Variants in CHRM2 observed in about 807,000 individuals in gnomAD.
CHRM2 encodes the protein cholinergic receptor muscarinic 2.
A neutral mutation model predicts 25.0 loss-of-function variants in CHRM2; 8 were observed. The observed-to-expected ratio is 0.32, with a 90% confidence interval of 0.19 to 0.58. The LOEUF (loss-of-function observed/expected upper bound fraction) is 0.58. Ranked by LOEUF, CHRM2 falls within the 20% of genes least tolerant of loss-of-function variation. The pLI is 0.88. For synonymous variants in CHRM2, 202 were observed against 205.7 expected, an observed-to-expected ratio of 0.98 and a Z score of 0.15; for missense variants, 440 against 567.1, an observed-to-expected ratio of 0.78 and a Z score of 2.28.
chr7:136,889,663 T>A (rs1373145130), intron 2 of CHRM2, among the ~76,000 whole-genome samples: 2 of 152,196 alleles, frequency 1.3e-5, no homozygotes, highest in Admixed American at 6.5e-5. Context: ...TAAAAAGAAA[T>A]AAATTTGGAA....
At chr7:136,906,733 G>A (rs925723440) in intron 2 of CHRM2, among the ~76,000 whole-genome samples, 38 of 151,728 alleles carry the variant, frequency 2.5e-4, no homozygotes, top group African/African-American at 8.7e-4. Flanking sequence ...GTCACTTTAA[G>A]GTCAGTGGTC....
chr7:136,975,415 C>A (rs1257962478), intron 2 of CHRM2, among the ~76,000 whole-genome samples: 1 of 151,782 alleles, frequency 6.6e-6, no homozygotes, highest in Non-Finnish European at 1.5e-5. Context: ...CTATCACAGG[C>A]CCCAGTAGAG....
chr7:136,877,118 T>C (rs1796080335), intron 2 of CHRM2, among the ~76,000 whole-genome samples: 1 of 152,030 alleles, frequency 6.6e-6, no homozygotes, highest in Non-Finnish European at 1.5e-5. Context: ...GGAAAGAAGA[T>C]AGGATGTACA....
At chr7:136,919,425 T>G (rs1798301037) in intron 2 of CHRM2, among the ~76,000 whole-genome samples, 1 of 152,148 alleles carries the variant, frequency 6.6e-6, no homozygotes, top group Non-Finnish European at 1.5e-5. Flanking sequence ...TAATTAGTAT[T>G]CAAATTACTT....
chr7:137,009,824 T>C (rs1804688588), intron 3 of CHRM2, among the ~76,000 whole-genome samples: 2 of 152,082 alleles, frequency 1.3e-5, no homozygotes, highest in African/African-American at 4.8e-5. Context: ...CCAGTAGTAG[T>C]ATTGATAATT....
intron 3 of CHRM2, among the ~76,000 whole-genome samples, chr7:137,007,256 A>G: frequency 6.6e-6 from 1 of 152,248 alleles, no homozygotes; most frequent in East Asian, 1.9e-4. Context: ...TGGAAATTTC[A>G]CCAGCAATTT....
intron 2 of CHRM2, among the ~76,000 whole-genome samples, chr7:136,971,052 A>G (rs1487888631): frequency 6.6e-6 from 1 of 152,232 alleles, no homozygotes; most frequent in Non-Finnish European, 1.5e-5. Context: ...TAAACACTGA[A>G]TAAATAGTTT....
At chr7:136,962,417 A>G (rs1017527310) in intron 2 of CHRM2, among the ~76,000 whole-genome samples, 8 of 152,048 alleles carry the variant, frequency 5.3e-5, no homozygotes, top group East Asian at 3.9e-4. Context: ...TTACAGGTGT[A>G]AGCCACTGCG....
chr7:136,936,104 A>G (rs1799394725), intron 2 of CHRM2, among the ~76,000 whole-genome samples: 3 of 152,100 alleles, frequency 2.0e-5, no homozygotes, highest in African/African-American at 4.8e-5. Context: ...AATCTACCCA[A>G]TCTATGTTTG....
chr7:136,948,858 T>C (rs745357902), intron 2 of CHRM2, among the ~76,000 whole-genome samples: 4 of 152,092 alleles, frequency 2.6e-5, no homozygotes, highest in Non-Finnish European at 2.9e-5. Context: ...CTGTTGATCA[T>C]CTGAGAGGGA....
At position 136,917,838 on chromosome 7, in the gene CHRM2, T is replaced by C. The variant is rs374071430; in HGVS notation, c.-125+48420T>C. Among the ~76,000 whole-genome samples, 12 of 152,128 alleles carry C rather than the reference T, an allele frequency of 7.9e-5. No homozygotes were observed. The East Asian group carries it at 9.7e-4, about 12-fold the overall frequency. On this transcript the variant is annotated intron_variant, in intron 2 of 3. Coordinates refer to ENST00000680005, the MANE Select transcript of CHRM2 (RefSeq NM_001006630.2). ...TAGGCTTATTAGGGTAAAGGAGTAG[T>C]TGGAATCTAGCCTAAAAAGGTAAGT...
At position 136,932,212 on chromosome 7, in the gene CHRM2, C is replaced by T. The variant is rs565110592; in HGVS notation, c.-124-59975C>T. Among the ~76,000 whole-genome samples the T allele has an allele frequency of 5.9e-5, 9 of 152,166 alleles. 1 individual carries two copies. Among genetic ancestry groups the T allele is most frequent in the East Asian group, 1.9e-4 (1 of 5,180 alleles). ...AACCAGGTAGGTTACATAAATAAAA[C>T]GGACAAAATCTTAGAAACACACAAA... On this transcript the variant is annotated intron_variant, in intron 2 of 3. Transcript: ENST00000680005.
intron 2 of CHRM2, among the ~76,000 whole-genome samples, chr7:136,904,969 G>T (rs981751354): frequency 3.3e-5 from 5 of 151,854 alleles, no homozygotes; most frequent in Non-Finnish European, 7.4e-5. Flanking sequence ...TGCTTTGTAA[G>T]ATTAAATGAG....
chr7:136,943,062 G>A lies in CHRM2; in HGVS notation c.-124-49125G>A, dbSNP rs781373081. On this transcript the variant is annotated intron_variant, in intron 2 of 3. Transcript: ENST00000680005. ...CTGTCTTCAGCTCAAATAACAGTCA[G>A]CCATTTAGCCTTTCTTTGGATACCT... 3.9e-5 allele frequency among the ~76,000 whole-genome samples: 6 copies of A among 152,092 alleles called. No individual in the cohort carries two copies. In the East Asian group the frequency reaches 1.2e-3, roughly 29 times the overall value.
Position 136,882,003 on chromosome 7 carries a change from T to C in CHRM2, c.-125+12585T>C, listed in dbSNP as rs114565520. Among the ~76,000 whole-genome samples the C allele has an allele frequency of 2.5e-3, 386 of 152,172 alleles. 1 individual carries two copies. Among genetic ancestry groups the C allele is most frequent in the African/African-American group, 8.9e-3 (369 of 41,546 alleles). ...TAACCTTTAAATGAAACACCATAAA[T>C]CTTTTTTGTTTTACCAATAGCAGAC... On this transcript the variant is annotated intron_variant, in intron 2 of 3. Coordinates refer to ENST00000680005, the MANE Select transcript of CHRM2 (RefSeq NM_001006630.2).
chr7:136,934,380 C>T (rs917530078), intron 2 of CHRM2, among the ~76,000 whole-genome samples: 3 of 152,036 alleles, frequency 2.0e-5, no homozygotes, highest in Non-Finnish European at 2.9e-5. Context: ...GCCATTATCA[C>T]TTATTGCCTT....
At chr7:136,980,286 A>G (rs1802397697) in intron 2 of CHRM2, among the ~76,000 whole-genome samples, 1 of 152,144 alleles carries the variant, frequency 6.6e-6, no homozygotes, top group African/African-American at 2.4e-5. Flanking sequence ...ATTTTTGCAC[A>G]TTGATTTTGT....
At chr7:137,012,995 G>A (rs142729400) in intron 3 of CHRM2, among the ~76,000 whole-genome samples, 2 of 151,902 alleles carry the variant, frequency 1.3e-5, no homozygotes, top group Non-Finnish European at 2.9e-5. Flanking sequence ...CTGTGGGGTT[G>A]AGTATCATTT....
At chr7:136,976,445 ATAT>A (rs952371448) in intron 2 of CHRM2, among the ~76,000 whole-genome samples, 4 of 152,090 alleles carry the variant, frequency 2.6e-5, no homozygotes, top group African/African-American at 9.7e-5. Flanking sequence ...GATGTATGTA[ATAT>A]TATTATTATT....
Sources: gnomAD v4.1 joint callset for allele counts (sites outside exome capture counted in the v4.1 genomes callset) on GRCh38, gnomAD v4.1.1 for gene constraint, MANE v1.5 for transcripts, NCBI Gene and HGNC (gene_info 2026-07-23, HGNC 2026-07-21) for gene names.